Variants in EPHX2 observed in about 807,000 individuals in gnomAD.
EPHX2 encodes bifunctional epoxide hydrolase 2.
In EPHX2, 74 loss-of-function variants were observed where a neutral mutation model predicts 78.7. The observed-to-expected ratio is 0.94, with a 90% confidence interval of 0.78 to 1.14. The LOEUF is 1.14. Among genes scored for constraint, EPHX2 ranks in the 50% most tolerant of loss-of-function variants. The pLI is 0.00. For missense variants in EPHX2, 715 were observed against 702.5 expected, an observed-to-expected ratio of 1.02 and a Z score of -0.20; for synonymous variants, 251 against 255.2, an observed-to-expected ratio of 0.98 and a Z score of 0.16.
At chr8:27,535,932 A>T (rs1815196869) in intron 12 of EPHX2, among the ~76,000 whole-genome samples, 1 of 152,132 alleles carries the variant, frequency 6.6e-6, no homozygotes, top group Admixed American at 6.5e-5. Flanking sequence ...TATTTTGTAC[A>T]TTGGCATCTC....
At chr8:27,523,183 T>G (rs775563749) in intron 11 of EPHX2, among the ~76,000 whole-genome samples, 23 of 152,140 alleles carry the variant, frequency 1.5e-4, no homozygotes, top group Admixed American at 3.3e-4. Context: ...TCTGCCCTGA[T>G]CAGCTGTGTG....
Position 27,533,080 on chromosome 8 carries a change from A to C in EPHX2, c.1171-3704A>C, listed in dbSNP as rs577442027. On this transcript the variant is annotated intron_variant, in intron 12 of 18. Coordinates refer to ENST00000521400, the MANE Select transcript of EPHX2 (RefSeq NM_001979.6). ...TAGTAAGCCATGATTGCACTACTGC[A>C]CTCCAGCCTGGGCAACAGAGCAAGA... 2.0e-5 allele frequency among the ~76,000 whole-genome samples: 3 copies of C among 152,288 alleles called. No individual in the cohort carries two copies. In the East Asian group the frequency reaches 5.8e-4, roughly 29 times the overall value.
At chr8:27,515,607 G>A in intron 6 of EPHX2, 111 bp from the exon 7 acceptor site, 2 of 865,426 alleles carry the variant, frequency 2.3e-6, no homozygotes, top group Non-Finnish European at 3.6e-6. Context: ...TCTGGGTCAT[G>A]CACAATCCAG....
intron 4 of EPHX2, among the ~76,000 whole-genome samples, chr8:27,505,548 T>G (rs1813972046): frequency 6.6e-6 from 1 of 152,238 alleles, no homozygotes; most frequent in Non-Finnish European, 1.5e-5. Flanking sequence ...AGACACCCTG[T>G]GCCCTGAGCC....
intron 5 of EPHX2, 120 bp downstream of exon 5, chr8:27,507,114 G>A (rs575740914): frequency 2.0e-5 from 26 of 1,313,720 alleles, no homozygotes; most frequent in Middle Eastern, 2.7e-4. Context: ...CCTGGGCACC[G>A]CTGGTTGGGA....
chr8:27,502,885 A>G (rs181506114), intron 2 of EPHX2, among the ~76,000 whole-genome samples: 1 of 152,338 alleles, frequency 6.6e-6, no homozygotes, highest in East Asian at 1.9e-4. Context: ...CAACACAGGA[A>G]TTTTGGGGAG....
intron 1 of EPHX2, among the ~76,000 whole-genome samples, chr8:27,499,038 G>T (rs1044661046): frequency 5.3e-5 from 8 of 152,210 alleles, no homozygotes; most frequent in Admixed American, 6.5e-5. Context: ...TCTCTGCAGA[G>T]TCTCAAGGTA....
intron 5 of EPHX2, among the ~76,000 whole-genome samples, chr8:27,508,755 T>TGTGTGTGTGTGCGCGCACGCAC (rs973994208): frequency 6.6e-6 from 1 of 152,002 alleles, no homozygotes. Flanking sequence ...GCCATCTTTG[T>TGTGTGTGTGTGCGCGCACGCAC]GTGTGTGTGT....
rs985906523 is a variant in EPHX2, at chr8:27,540,064, G to A, written c.1277-490G>A. Among the ~76,000 whole-genome samples the A allele has an allele frequency of 7.9e-5, 12 of 152,292 alleles. No individual in the cohort carries two copies. In the South Asian group the frequency reaches 1.2e-3, roughly 16 times the overall value. ...GTGGGATACCACAGAGGGTCTGTGCGGCACGTGGGAGGTGACAGGATGCAG... is the reference window on the plus strand; with the variant it reads ...GTGGGATACCACAGAGGGTCTGTGCAGCACGTGGGAGGTGACAGGATGCAG... On this transcript the variant is annotated intron_variant, in intron 14 of 18. Coordinates refer to ENST00000521400, the MANE Select transcript of EPHX2 (RefSeq NM_001979.6).
At chr8:27,503,455 T>G (rs189733025) in intron 2 of EPHX2, 149 bp from the exon 3 acceptor site, 7 of 985,230 alleles carry the variant, frequency 7.1e-6, no homozygotes, top group Admixed American at 2.8e-5. Flanking sequence ...GCCATGTCTC[T>G]TGGAGAACAT....
At chr8:27,512,115 A>G (rs2132737285) in intron 6 of EPHX2, 1 of 534,292 alleles carries the variant, frequency 1.9e-6, no homozygotes, top group Non-Finnish European at 3.3e-6. Context: ...AAAAAAAAAA[A>G]AAAGGACCAG....
intron 1 of EPHX2, among the ~76,000 whole-genome samples, chr8:27,497,894 GGGGAC>G (rs1813632445): frequency 6.6e-6 from 1 of 152,168 alleles, no homozygotes; most frequent in Non-Finnish European, 1.5e-5. Flanking sequence ...GATCCATACT[GGGGAC>G]GGCTTGTTGA....
intron 12 of EPHX2, 104 bp downstream of exon 12, chr8:27,525,577 G>T: frequency 9.9e-7 from 1 of 1,015,028 alleles, no homozygotes. Context: ...ATTTTATGTG[G>T]CATTAGTCAG....
intron 12 of EPHX2, among the ~76,000 whole-genome samples, chr8:27,526,004 C>T (rs1019419246): frequency 1.4e-4 from 22 of 152,230 alleles, no homozygotes; most frequent in Admixed American, 1.3e-3. Flanking sequence ...GTCAACGTCA[C>T]CTGGCCTGGT....
chr8:27,530,173 C>T (rs977568863), intron 12 of EPHX2, among the ~76,000 whole-genome samples: 2 of 151,922 alleles, frequency 1.3e-5, no homozygotes, highest in South Asian at 2.1e-4. Context: ...GGTGTGAGAG[C>T]TGCCATGCCA....
downstream of EPHX2, among the ~76,000 whole-genome samples, chr8:27,548,145 G>A (rs1310241988): frequency 6.6e-6 from 1 of 152,158 alleles, no homozygotes; most frequent in Non-Finnish European, 1.5e-5. Flanking sequence ...GTTTCCAGGA[G>A]ACCCGTCTTC....
intron 8 of EPHX2, among the ~76,000 whole-genome samples, chr8:27,517,258 A>T (rs1336923731): frequency 5.9e-5 from 9 of 151,772 alleles, no homozygotes. Flanking sequence ...TTATTGTTAA[A>T]ATTGCTATTA....
rs1761598362 is a variant in EPHX2, at chr8:27,500,002, G to T, written c.102-924G>T. ...CTCTCCAAATACAGTCACATCCTGA[G>T]GTATTGGAAGTTAGAACTTCAATGT... On this transcript the variant is annotated intron_variant, in intron 1 of 18. Coordinates refer to ENST00000521400, the MANE Select transcript of EPHX2 (RefSeq NM_001979.6). Among the ~76,000 whole-genome samples, 5 of 152,144 alleles carry T rather than the reference G, an allele frequency of 3.3e-5. 1 individual carries two copies. Among genetic ancestry groups the T allele is most frequent in the African/African-American group, 1.2e-4 (5 of 41,424 alleles).
Position 27,544,558 on chromosome 8 carries a change from TC to T in EPHX2, c.*38del, listed in dbSNP as rs1318621012. 1 of 1,603,632 alleles carries T rather than the reference TC, an allele frequency of 6.2e-7. No homozygotes were observed. The highest frequency in any genetic ancestry group is 8.5e-7 in the Non-Finnish European group (1 of 1,171,750). On this transcript the variant is annotated 3_prime_UTR_variant, in exon 19 of 19. Transcript: ENST00000521400. ...GTGCCCACGCTCAGCAGGTGTGCCA[TC>T]CTTCCACCTGCTGGGGCACCATTCT... is the stretch of plus-strand genomic sequence containing the variant.
Sources: allele counts gnomAD v4.1 joint callset (sites outside exome capture counted in the v4.1 genomes callset), GRCh38; gene constraint gnomAD v4.1.1; transcripts MANE v1.5; gene names NCBI Gene and HGNC (gene_info 2026-07-23, HGNC 2026-07-21).